CLSTN2: variants seen among roughly 807,000 people sequenced by gnomAD.
CLSTN2 encodes calsyntenin-2.
Under a neutral mutation model 101.2 loss-of-function variants are expected in CLSTN2, and 48 were observed. The observed-to-expected ratio is 0.47, with a 90% CI of 0.38 to 0.60. The LOEUF is 0.60. CLSTN2 is among the 20% of genes least tolerant of loss of function. The probability of loss-of-function intolerance (pLI) is 0.00; values close to 1 mark genes in which losing one functional copy is unlikely to be tolerated. For synonymous variants in CLSTN2, 481 were observed against 463.6 expected (o/e 1.04, Z -0.48); for missense variants, 1,160 against 1,238.2 (o/e 0.94, Z 0.95).
chr3:140,241,727 A>G (rs908235146), intron 2 of CLSTN2, among the ~76,000 whole-genome samples: 12 of 151,590 alleles, frequency 7.9e-5, no homozygotes, highest in African/African-American at 2.2e-4. Context: ...AGGAAGGAAA[A>G]TTGGCCTTTG....
chr3:140,128,327 G>GA (rs2009468799), intron 1 of CLSTN2, among the ~76,000 whole-genome samples: 1 of 152,202 alleles, frequency 6.6e-6, no homozygotes, highest in African/African-American at 2.4e-5. Context: ...CTGCTTTGTA[G>GA]TTAATTCCAT....
chr3:139,988,161 A>G (rs1183567014), intron 1 of CLSTN2, among the ~76,000 whole-genome samples: 1 of 152,202 alleles, frequency 6.6e-6, no homozygotes, highest in African/African-American at 2.4e-5. Context: ...GCTTGTCCTT[A>G]TAGCCTTGTG....
intron 2 of CLSTN2, among the ~76,000 whole-genome samples, chr3:140,370,625 A>G (rs2087842366): frequency 6.6e-6 from 1 of 152,132 alleles, no homozygotes; most frequent in South Asian, 2.1e-4. Context: ...GGTCTGAGAG[A>G]ACTTTATTTA....
At chr3:140,239,741 A>G (rs1423698279) in intron 2 of CLSTN2, among the ~76,000 whole-genome samples, 1 of 152,134 alleles carries the variant, frequency 6.6e-6, no homozygotes, top group Non-Finnish European at 1.5e-5. Context: ...ATGTGTACAC[A>G]TTATCAATTA....
At chr3:140,016,119 A>T (rs1423372782) in intron 1 of CLSTN2, among the ~76,000 whole-genome samples, 1 of 152,188 alleles carries the variant, frequency 6.6e-6, no homozygotes, top group Non-Finnish European at 1.5e-5. Flanking sequence ...GGGTAGTGGC[A>T]TGTGCAGAGG....
chr3:140,025,671 T>C (rs1032291205), intron 1 of CLSTN2, among the ~76,000 whole-genome samples: 1 of 151,756 alleles, frequency 6.6e-6, no homozygotes, highest in Non-Finnish European at 1.5e-5. Context: ...AGCCAAAGAG[T>C]TGTCCAAAGA....
intron 2 of CLSTN2, among the ~76,000 whole-genome samples, chr3:140,208,105 G>A (rs187128937): frequency 6.6e-6 from 1 of 151,944 alleles, no homozygotes; most frequent in African/African-American, 2.4e-5. Context: ...ATTTTAAACT[G>A]TATTTGTCTA....
At chr3:140,274,768 A>G (rs993136315) in intron 2 of CLSTN2, among the ~76,000 whole-genome samples, 6 of 152,236 alleles carry the variant, frequency 3.9e-5, no homozygotes, top group Non-Finnish European at 7.3e-5. Context: ...TCAAGGGTAA[A>G]GGCATCACAG....
At chr3:140,345,250 T>A (rs889338329) in intron 2 of CLSTN2, among the ~76,000 whole-genome samples, 1 of 149,262 alleles carries the variant, frequency 6.7e-6, no homozygotes, top group Non-Finnish European at 1.5e-5. Context: ...ATAGCCTTTT[T>A]TTCTTTTTTT....
intron 2 of CLSTN2, among the ~76,000 whole-genome samples, chr3:140,326,453 C>T (rs192683387): frequency 2.8e-4 from 42 of 152,310 alleles, no homozygotes; most frequent in Admixed American, 2.2e-3. Flanking sequence ...ACACTACCTA[C>T]GTCTTTCATA....
intron 2 of CLSTN2, among the ~76,000 whole-genome samples, chr3:140,265,253 AACAAGAC>A (rs2107885798): frequency 6.6e-6 from 1 of 152,300 alleles, no homozygotes; most frequent in East Asian, 1.9e-4. Flanking sequence ...CAGATGTGGA[AACAAGAC>A]AAGAACAATT....
chr3:140,303,568 C>A (rs1269560734), intron 2 of CLSTN2, among the ~76,000 whole-genome samples: 1 of 152,060 alleles, frequency 6.6e-6, no homozygotes, highest in African/African-American at 2.4e-5. Flanking sequence ...CTACAGTTTA[C>A]AAAATTATTT....
At chr3:139,982,821 G>T (rs1387453099) in intron 1 of CLSTN2, among the ~76,000 whole-genome samples, 1 of 152,086 alleles carries the variant, frequency 6.6e-6, no homozygotes, top group Non-Finnish European at 1.5e-5. Context: ...ATTGAGATAA[G>T]TTGGAAATGT....
chr3:140,135,610 A>C (rs901858599), intron 1 of CLSTN2, among the ~76,000 whole-genome samples: 2 of 152,196 alleles, frequency 1.3e-5, no homozygotes, highest in Non-Finnish European at 2.9e-5. Flanking sequence ...TGGACAGCTC[A>C]TGGCAGTCTG....
chr3:140,496,098 A>G (rs990560068), intron 8 of CLSTN2, among the ~76,000 whole-genome samples: 2 of 152,254 alleles, frequency 1.3e-5, no homozygotes, highest in Non-Finnish European at 2.9e-5. Flanking sequence ...ATTCATGATC[A>G]TGGAGTGCTT....
intron 4 of CLSTN2, among the ~76,000 whole-genome samples, chr3:140,410,141 G>A (rs774635256): frequency 2.6e-5 from 4 of 152,076 alleles, no homozygotes; most frequent in Non-Finnish European, 4.4e-5. Flanking sequence ...AGGCATACTG[G>A]TGGATATGTT....
chr3:140,364,206 A>G (rs746943982), intron 2 of CLSTN2, among the ~76,000 whole-genome samples: 10 of 152,102 alleles, frequency 6.6e-5, no homozygotes, highest in Non-Finnish European at 1.2e-4. Context: ...AGTCATGGGT[A>G]TCAGACACAC....
intron 1 of CLSTN2, among the ~76,000 whole-genome samples, chr3:139,991,105 T>C (rs1439006012): frequency 6.6e-6 from 1 of 152,206 alleles, no homozygotes; most frequent in African/African-American, 2.4e-5. Flanking sequence ...ATGGAAAATG[T>C]TGGTTTTATC....
At chr3:139,975,433 G>T (rs1429041002) in intron 1 of CLSTN2, among the ~76,000 whole-genome samples, 4 of 152,162 alleles carry the variant, frequency 2.6e-5, no homozygotes, top group Admixed American at 2.6e-4. Flanking sequence ...GTGAGTGCTT[G>T]TTGAGTGTTA....
Sources: gnomAD v4.1 joint callset for allele counts (sites outside exome capture counted in the v4.1 genomes callset) on GRCh38, gnomAD v4.1.1 for gene constraint, MANE v1.5 for transcripts, NCBI Gene and HGNC (gene_info 2026-07-23, HGNC 2026-07-21) for gene names.